PHF21B: variants seen among roughly 807,000 people sequenced by gnomAD.
PHF21B encodes the protein PHD finger protein 4.
Under a neutral mutation model 62.2 loss-of-function variants are expected in PHF21B, and 22 were observed. That is an observed-to-expected ratio of 0.35 (90% CI 0.25 to 0.51). PHF21B has a LOEUF of 0.51. Among genes scored for constraint, PHF21B ranks in the 20% least tolerant of loss-of-function variants. The pLI is 0.97. For missense variants in PHF21B, 701 were observed against 707.9 expected (o/e 0.99, Z 0.11); for synonymous variants, 341 against 314.7 (o/e 1.08, Z -0.88).
chr22:44,932,658 G>A lies in PHF21B; in HGVS notation c.121-12168C>T, dbSNP rs375545008. On this transcript the variant is annotated intron_variant, in intron 2 of 12. Transcript: ENST00000313237. ...TGGGATCTAACTGAGGGTGCACCAC[G>A]GAACGCTGATGACGGCCTGGAATCT... Among the ~76,000 whole-genome samples, 21 of 152,350 alleles carry A rather than the reference G, an allele frequency of 1.4e-4. No individual in the cohort carries two copies. The South Asian group carries it at 3.5e-3, about 26-fold the overall frequency.
In PHF21B at chr22:44,882,046, C is replaced by G. The variant is rs950696527; in HGVS notation, c.*1040G>C. Reference sequence around the variant, plus strand: ...AGACTACTAGAAGCAGAAAGGAAGTCAGCCAGAGTCCCCCCAACCATTCAC... The same window carrying G: ...AGACTACTAGAAGCAGAAAGGAAGTGAGCCAGAGTCCCCCCAACCATTCAC... On this transcript the variant is annotated 3_prime_UTR_variant, in exon 13 of 13. Transcript: ENST00000313237. The G allele has an allele frequency of 6.5e-6, 1 of 152,758 alleles. No individual in the cohort carries two copies. Among genetic ancestry groups the G allele is most frequent in the Non-Finnish European group, 1.5e-5 (1 of 68,062 alleles). 9.5% of individuals were successfully genotyped at this position (152,758 alleles called of 1,614,324 possible). A position where few individuals can be genotyped will look rare whatever the true frequency, so the allele number is the denominator to read the frequency against.
chr22:44,923,953 G>T (rs1220438556), intron 2 of PHF21B, among the ~76,000 whole-genome samples: 1 of 151,626 alleles, frequency 6.6e-6, no homozygotes, highest in African/African-American at 2.4e-5. Context: ...TGAGGCTGCA[G>T]TGAGCCATGA....
intron 5 of PHF21B, among the ~76,000 whole-genome samples, chr22:44,909,059 A>G (rs1308779262): frequency 6.6e-6 from 1 of 152,136 alleles, no homozygotes; most frequent in Non-Finnish European, 1.5e-5. Flanking sequence ...TGGCCTCCCA[A>G]AGTGCCAGGA....
At chr22:44,999,070 G>T (rs1391348291) in intron 2 of PHF21B, among the ~76,000 whole-genome samples, 3 of 152,206 alleles carry the variant, frequency 2.0e-5, no homozygotes, top group Admixed American at 6.5e-5. Context: ...AAACCGTATA[G>T]TACGGCCCAA....
chr22:44,949,324 A>T (rs1387333909), intron 2 of PHF21B, among the ~76,000 whole-genome samples: 4 of 151,518 alleles, frequency 2.6e-5, no homozygotes, highest in South Asian at 4.2e-4. Context: ...AAAAAAAAAA[A>T]AGAAAAAAGA....
intron 4 of PHF21B, among the ~76,000 whole-genome samples, chr22:44,915,697 G>A (rs979997529): frequency 6.6e-6 from 1 of 152,232 alleles, no homozygotes; most frequent in Non-Finnish European, 1.5e-5. Flanking sequence ...GACCCCAAAT[G>A]GGGAACAGAG....
intron 2 of PHF21B, among the ~76,000 whole-genome samples, chr22:44,976,045 C>T (rs959149047): frequency 6.6e-6 from 1 of 152,142 alleles, no homozygotes; most frequent in African/African-American, 2.4e-5. Flanking sequence ...GTGGTGCACA[C>T]CTGTAGTCCC....
intron 10 of PHF21B, 29 bp downstream of exon 10, chr22:44,887,934 G>T (rs1252079782): frequency 4.9e-6 from 7 of 1,440,466 alleles, no homozygotes; most frequent in Non-Finnish European, 5.5e-6. Context: ...TGCCAGTCTG[G>T]GGTGAGGGGG....
chr22:44,887,895 C>A (rs1405787288), intron 10 of PHF21B, 68 bp downstream of exon 10: 4 of 1,353,164 alleles, frequency 3.0e-6, no homozygotes, highest in Non-Finnish European at 2.9e-6. Flanking sequence ...CCTCCTCTGC[C>A]CTGTCTCTGC....
intron 2 of PHF21B, among the ~76,000 whole-genome samples, chr22:44,970,639 G>A (rs1287187567): frequency 1.3e-5 from 2 of 152,162 alleles, no homozygotes; most frequent in African/African-American, 4.8e-5. Flanking sequence ...GGGTCAAGGT[G>A]GGTCCGTGTG....
intron 8 of PHF21B, 98 bp downstream of exon 8, chr22:44,891,208 C>T (rs748256916): frequency 8.3e-5 from 113 of 1,366,654 alleles, no homozygotes; most frequent in Non-Finnish European, 1.1e-4. Context: ...CAGTGGGAGG[C>T]GGGCAGCCCT....
At chr22:44,911,822 G>T (rs1169424847) in intron 5 of PHF21B, among the ~76,000 whole-genome samples, 1 of 152,232 alleles carries the variant, frequency 6.6e-6, no homozygotes, top group East Asian at 1.9e-4. Flanking sequence ...GAGGGCCACT[G>T]TCCTCTGGAC....
intron 11 of PHF21B, 66 bp from the exon 12 acceptor site, chr22:44,885,595 TG>T (rs2147244171): frequency 2.8e-6 from 4 of 1,452,074 alleles, no homozygotes; most frequent in Non-Finnish European, 3.7e-6. Flanking sequence ...GTAGAGTAAA[TG>T]GGAGAGGCAG....
intron 2 of PHF21B, among the ~76,000 whole-genome samples, chr22:44,931,796 C>A (rs929309700): frequency 6.6e-6 from 1 of 152,152 alleles, no homozygotes; most frequent in Non-Finnish European, 1.5e-5. Context: ...AAAACGGCCA[C>A]TTCTGCATCT....
At chr22:44,924,726 G>A (rs967846953) in intron 2 of PHF21B, among the ~76,000 whole-genome samples, 2 of 152,220 alleles carry the variant, frequency 1.3e-5, no homozygotes, top group African/African-American at 4.8e-5. Flanking sequence ...GCTTAAGCCA[G>A]CCAGTCCATG....
chr22:44,885,537 A>G lies in PHF21B; in HGVS notation c.1274-8T>C. 1.3e-6 allele frequency: 2 copies of G among 1,580,206 alleles called. No individual in the cohort carries two copies. Among genetic ancestry groups the G allele is most frequent in the Non-Finnish European group, 1.7e-6 (2 of 1,162,772 alleles). ...GCTTCTCCTCTTCTTTGACTAGAAA[A>G]GAGAAGGCCAGGTCCCTGGAGAGGG... On this transcript the variant is annotated splice_polypyrimidine_tract_variant and splice_region_variant and intron_variant, in intron 11 of 12. Transcript: ENST00000313237.
chr22:44,923,557 T>C (rs2071575811), intron 2 of PHF21B, among the ~76,000 whole-genome samples: 1 of 152,096 alleles, frequency 6.6e-6, no homozygotes, highest in Non-Finnish European at 1.5e-5. Context: ...AAGAGAATGT[T>C]AGGAAAATGC....
chr22:44,967,217 C>CTTTTTTT (rs34434030), intron 2 of PHF21B: 1 of 84,744 alleles, frequency 1.2e-5, no homozygotes. Flanking sequence ...AGGCCTTTTA[C>CTTTTTTT]TTTTTTTTTT....
rs1026807917 is a variant in PHF21B, at chr22:44,985,216, C to T, written c.120+23329G>A. Among the ~76,000 whole-genome samples the T allele has an allele frequency of 5.9e-5, 9 of 152,322 alleles. 1 individual carries two copies. On this transcript the variant is annotated intron_variant, in intron 2 of 12. Transcript: ENST00000313237. ...TAAATAAATGTAAATTTATCATTTA[C>T]AAACTTCCACACCCACTATTTATTC... is the stretch of plus-strand genomic sequence containing the variant.
Sources: allele counts gnomAD v4.1 joint callset (sites outside exome capture counted in the v4.1 genomes callset), GRCh38; gene constraint gnomAD v4.1.1; transcripts MANE v1.5; gene names NCBI Gene and HGNC (gene_info 2026-07-23, HGNC 2026-07-21).